Variants in GBP7 observed in about 807,000 individuals in gnomAD.
GBP7 encodes the protein guanylate-binding protein 7.
In GBP7, 43 loss-of-function variants were observed where a neutral mutation model predicts 61.3. That is an observed-to-expected ratio of 0.70 (90% CI 0.55 to 0.91). The LOEUF (loss-of-function observed/expected upper bound fraction) is 0.91. Among genes scored for constraint, GBP7 ranks in the 40% least tolerant of loss-of-function variants. The probability of loss-of-function intolerance (pLI) is 0.00; values close to 1 mark genes in which losing one functional copy is unlikely to be tolerated. For missense variants in GBP7, 717 were observed against 740.5 expected, an observed-to-expected ratio of 0.97 and a Z score of 0.37; for synonymous variants, 267 against 271.0, an observed-to-expected ratio of 0.99 and a Z score of 0.14.
At chr1:89,146,258 T>A (rs1430747155) in intron 8 of GBP7, among the ~76,000 whole-genome samples, 1 of 152,204 alleles carries the variant, frequency 6.6e-6, no homozygotes, top group African/African-American at 2.4e-5. Flanking sequence ...TGGACCCTTG[T>A]ACTACACACA....
intron 8 of GBP7, among the ~76,000 whole-genome samples, chr1:89,144,183 C>A (rs1682016196): frequency 6.6e-6 from 1 of 152,128 alleles, no homozygotes. Context: ...CCAGATGCAT[C>A]CATTTTTCTG....
chr1:89,156,174 G>A (rs1159311182), intron 3 of GBP7, among the ~76,000 whole-genome samples: 1 of 152,120 alleles, frequency 6.6e-6, no homozygotes, highest in African/African-American at 2.4e-5. Flanking sequence ...GTCACCACCA[G>A]GCCTGCCTTA....
chr1:89,141,451 A>T (rs1475095589), intron 9 of GBP7, 95 bp downstream of exon 9: 1 of 1,037,544 alleles, frequency 9.6e-7, no homozygotes, highest in Non-Finnish European at 1.4e-6. Flanking sequence ...ATGAGAAGAA[A>T]GCTCCTGGTA....
At chr1:89,136,711 A>G (rs1349976347) in intron 9 of GBP7, among the ~76,000 whole-genome samples, 3 of 152,180 alleles carry the variant, frequency 2.0e-5, no homozygotes, top group African/African-American at 7.2e-5. Context: ...AGTTAGAAAT[A>G]TCTCAAATTA....
intron 3 of GBP7, among the ~76,000 whole-genome samples, chr1:89,154,897 C>A (rs1281218950): frequency 6.6e-6 from 1 of 152,144 alleles, no homozygotes; most frequent in African/African-American, 2.4e-5. Context: ...GGACAGACTG[C>A]CTCCTCAAGT....
chr1:89,170,519 C>T (rs1647569391), intron 2 of GBP7, among the ~76,000 whole-genome samples: 1 of 152,216 alleles, frequency 6.6e-6, no homozygotes, highest in African/African-American at 2.4e-5. Context: ...GACTCCCAGT[C>T]ACCAATCACT....
chr1:89,138,245 A>G lies in GBP7; in HGVS notation c.1468+3301T>C, dbSNP rs1189775086. On this transcript the variant is annotated intron_variant, in intron 9 of 10. Coordinates refer to ENST00000294671, the MANE Select transcript of GBP7 (RefSeq NM_207398.3). ...AGCCATACTGCCCAAATTGATTTAC[A>G]TATTCAATGCTATTCCTATCAAATT... is the stretch of plus-strand genomic sequence containing the variant. 4.6e-5 allele frequency among the ~76,000 whole-genome samples: 7 copies of G among 152,300 alleles called. No homozygotes were observed. The East Asian group carries it at 1.2e-3, about 25-fold the overall frequency.
intron 2 of GBP7, among the ~76,000 whole-genome samples, chr1:89,168,019 C>A (rs116477288): frequency 0.017 from 2,530 of 152,250 alleles, 64 homozygotes; most frequent in African/African-American, 0.056. Flanking sequence ...ATTACACCAA[C>A]AGTAGTTTAG....
intron 2 of GBP7, among the ~76,000 whole-genome samples, chr1:89,166,994 C>T (rs374238978): frequency 6.6e-6 from 1 of 152,224 alleles, no homozygotes; most frequent in Non-Finnish European, 1.5e-5. Context: ...CTCAACCACC[C>T]TGGATGCACC....
At chr1:89,149,763 G>A (rs1014751705) in intron 6 of GBP7, among the ~76,000 whole-genome samples, 191 bp from the exon 7 acceptor site, 3 of 151,634 alleles carry the variant, frequency 2.0e-5, no homozygotes, top group Non-Finnish European at 4.4e-5. Flanking sequence ...TAACATGACT[G>A]TTGTTCCTAT....
rs774351470 is a variant in GBP7, at chr1:89,150,473, T to C, written c.728A>G (p.Lys243Arg). 2.5e-6 allele frequency: 4 copies of C among 1,613,980 alleles called. No individual in the cohort carries two copies. Among genetic ancestry groups the C allele is most frequent in the Non-Finnish European group, 3.4e-6 (4 of 1,179,996 alleles). The change falls in exon 6 of 11, where the codon AAA becomes AGA. Residue 243 changes from lysine (K) to arginine (R), a missense_variant. Around this residue, in one of 3 missense-constraint regions of GBP7, gnomAD observed 387 missense variants for 385.2 expected, o/e 1.00. Transcript: ENST00000294671. Reference protein sequence around the residue: ...CFVFDRPINDKKLLLHVEEVR... With the variant: ...CFVFDRPINDRKLLLHVEEVR... ...TTCTTCAACATGGAGTAAGAGTTTTTTGTCATTTATTGGCCGGTCAAAGAC... is the reference window on the plus strand; with the variant it reads ...TTCTTCAACATGGAGTAAGAGTTTTCTGTCATTTATTGGCCGGTCAAAGAC...
At chr1:89,170,743 G>T (rs1647574641) in intron 2 of GBP7, among the ~76,000 whole-genome samples, 1 of 152,184 alleles carries the variant, frequency 6.6e-6, no homozygotes, top group Non-Finnish European at 1.5e-5. Flanking sequence ...GGGCTTTCAT[G>T]TATACTTTCT....
intron 9 of GBP7, among the ~76,000 whole-genome samples, chr1:89,141,209 GA>G (rs1270265641): frequency 8.2e-4 from 121 of 146,858 alleles, no homozygotes; most frequent in African/African-American, 1.2e-3. Context: ...AAGTTGGAAA[GA>G]AAAAAAAAAA....
At chr1:89,159,710 C>T (rs1354419068) in intron 3 of GBP7, among the ~76,000 whole-genome samples, 1 of 152,154 alleles carries the variant, frequency 6.6e-6, no homozygotes, top group East Asian at 1.9e-4. Context: ...AGTCAGGAAA[C>T]AACAGGTGCT....
chr1:89,134,496 A>T (rs559486881), intron 9 of GBP7, among the ~76,000 whole-genome samples: 1 of 152,106 alleles, frequency 6.6e-6, no homozygotes, highest in Non-Finnish European at 1.5e-5. Context: ...CAGGTGCTTA[A>T]CCTAGAGGGG....
chr1:89,164,668 T>C, intron 3 of GBP7, 63 bp downstream of exon 3: 1 of 1,505,836 alleles, frequency 6.6e-7, no homozygotes, highest in Non-Finnish European at 9.2e-7. Flanking sequence ...GGATTGATAC[T>C]ATGCATAAAA....
At chr1:89,158,508 A>T (rs1231437559) in intron 3 of GBP7, among the ~76,000 whole-genome samples, 1 of 152,236 alleles carries the variant, frequency 6.6e-6, no homozygotes, top group Non-Finnish European at 1.5e-5. Flanking sequence ...CAACTTCAGC[A>T]AAGTCTCAGG....
chr1:89,149,233 A>G lies in GBP7; in HGVS notation c.1152+59T>C. 2.1e-6 allele frequency: 3 copies of G among 1,421,830 alleles called. No individual in the cohort carries two copies. In the Admixed American group the frequency reaches 6.3e-5, roughly 30 times the overall value. 88.1% of individuals were successfully genotyped at this position (1,421,830 alleles called of 1,614,324 possible). ...ATGAACCATGGCATTAAAAAGGTGG[A>G]CTATAAGTATCATTCCAGAAAGGCA... On this transcript the variant is annotated intron_variant, in intron 7 of 10. Transcript: ENST00000294671.
At position 89,149,418 on chromosome 1, in the gene GBP7, C is replaced by G; in HGVS notation, c.1026G>C (p.Val342=). Residue 342 remains valine, a synonymous_variant, in exon 7 of 11, where the codon GTG becomes GTC. Transcript: ENST00000294671. ...NHYSQQMAQQ[V]RFPTDTLQEL... ...CCTGGAGTGTGTCTGTGGGGAATCT[C>G]ACTTGCTGGGCCATCTGCTGGCTGT... The G allele has an allele frequency of 6.2e-7, 1 of 1,614,156 alleles. No homozygotes were observed. The highest frequency in any genetic ancestry group is 8.5e-7 in the Non-Finnish European group (1 of 1,180,022).
Sources: gnomAD v4.1 joint callset for allele counts (sites outside exome capture counted in the v4.1 genomes callset) on GRCh38, gnomAD v4.1.1 for gene constraint, gnomAD v4.1.1 regional missense constraint, MANE v1.5 for transcripts, NCBI Gene and HGNC (gene_info 2026-07-23, HGNC 2026-07-21) for gene names.